The following ABLIM1 variants were observed in gnomAD, a reference collection of about 807,000 sequenced individuals.
The protein encoded by ABLIM1 is actin-binding LIM protein 1.
Under a neutral mutation model 107.0 loss-of-function variants are expected in ABLIM1, and 40 were observed. That is an observed-to-expected ratio of 0.37 (90% CI 0.29 to 0.49). The LOEUF is 0.49. Among genes scored for constraint, ABLIM1 ranks in the 20% least tolerant of loss-of-function variants. The pLI, the probability that ABLIM1 is intolerant of heterozygous loss-of-function variation, is 0.97. For missense variants in ABLIM1, 857 were observed against 1,008.5 expected (o/e 0.85, Z 2.04); for synonymous variants, 357 against 357.3 (o/e 1.00, Z 0.01).
chr10:114,731,189 G>A (rs570598701), intron 1 of ABLIM1, among the ~76,000 whole-genome samples: 1 of 152,218 alleles, frequency 6.6e-6, no homozygotes, highest in South Asian at 2.1e-4. Context: ...CGCCCAGGCT[G>A]GAGTGCAGTG....
chr10:114,749,483 C>CAT (rs1555232341), intron 1 of ABLIM1, among the ~76,000 whole-genome samples: 1 of 150,584 alleles, frequency 6.6e-6, no homozygotes, highest in Non-Finnish European at 1.5e-5. Flanking sequence ...CACACACACA[C>CAT]ACCACAAAAC....
At chr10:114,459,251 A>AAAACAAAC (rs146224817) in intron 12 of ABLIM1, among the ~76,000 whole-genome samples, 1 of 152,220 alleles carries the variant, frequency 6.6e-6, no homozygotes, top group African/African-American at 2.4e-5. Context: ...AAAACAAAAC[A>AAAACAAAC]AAACAAACAA....
chr10:114,605,035 C>T (rs1397030850), intron 1 of ABLIM1, among the ~76,000 whole-genome samples: 1 of 152,202 alleles, frequency 6.6e-6, no homozygotes, highest in Non-Finnish European at 1.5e-5. Context: ...AGATGACTTG[C>T]TTTGCCTTCA....
At chr10:114,583,468 C>CATATATATATATATATACATAT (rs2073824307) in intron 2 of ABLIM1, among the ~76,000 whole-genome samples, 1 of 15,104 alleles carries the variant, frequency 6.6e-5, no homozygotes, top group Non-Finnish European at 1.2e-4. Context: ...CACACACACA[C>CATATATATATATATATACATAT]ATATATATAT....
chr10:114,616,799 A>G (rs1208062605), intron 1 of ABLIM1, among the ~76,000 whole-genome samples: 1 of 152,248 alleles, frequency 6.6e-6, no homozygotes, highest in Non-Finnish European at 1.5e-5. Flanking sequence ...GCAATTACTG[A>G]GCTACGTGCC....
chr10:114,545,386 A>C (rs2067197404), intron 5 of ABLIM1, among the ~76,000 whole-genome samples: 1 of 152,240 alleles, frequency 6.6e-6, no homozygotes, highest in Non-Finnish European at 1.5e-5. Flanking sequence ...TAACTAGCAG[A>C]AAGCCTGGCA....
At chr10:114,449,317 G>A (rs183977272) in intron 14 of ABLIM1, among the ~76,000 whole-genome samples, 1 of 152,098 alleles carries the variant, frequency 6.6e-6, no homozygotes, top group African/African-American at 2.4e-5. Flanking sequence ...TTTTTCTTCT[G>A]GGCTTACATA....
intron 1 of ABLIM1, among the ~76,000 whole-genome samples, chr10:114,698,925 A>T (rs1265030846): frequency 6.6e-6 from 1 of 151,948 alleles, no homozygotes; most frequent in Non-Finnish European, 1.5e-5. Flanking sequence ...TAGAAATAAA[A>T]TGGGATTAGG....
At chr10:114,519,486 G>A (rs777472387) in intron 6 of ABLIM1, among the ~76,000 whole-genome samples, 2 of 152,138 alleles carry the variant, frequency 1.3e-5, no homozygotes, top group African/African-American at 2.4e-5. Flanking sequence ...ATTATCCCTC[G>A]GCTGGGAGAG....
chr10:114,551,080 A>T (rs1462788690), intron 4 of ABLIM1, among the ~76,000 whole-genome samples: 1 of 152,062 alleles, frequency 6.6e-6, no homozygotes, highest in Non-Finnish European at 1.5e-5. Flanking sequence ...TGTCAGGAAG[A>T]CTCGGGCAAG....
Position 114,763,640 on chromosome 10 carries a change from T to C in ABLIM1, c.-213+4421A>G, listed in dbSNP as rs372863298. ...CCCCTGACCTCATGCTGCCTTGGCCTCCCAAAGTGCTGGGATCAGAGGCAT... is the reference window on the plus strand; with the variant it reads ...CCCCTGACCTCATGCTGCCTTGGCCCCCCAAAGTGCTGGGATCAGAGGCAT... On this transcript the variant is annotated intron_variant, in intron 1 of 15. Transcript: ENST00000651092. 1.7e-4 allele frequency among the ~76,000 whole-genome samples: 26 copies of C among 152,274 alleles called. No individual in the cohort carries two copies. The East Asian group carries it at 4.1e-3, about 24-fold the overall frequency.
At chr10:114,470,307 C>T (rs1189219958) in intron 10 of ABLIM1, among the ~76,000 whole-genome samples, 1 of 151,216 alleles carries the variant, frequency 6.6e-6, no homozygotes, top group Non-Finnish European at 1.5e-5. Context: ...CCCGTAGTCT[C>T]AGCTACTTGG....
At chr10:114,666,682 G>A (rs2080039364) in intron 1 of ABLIM1, among the ~76,000 whole-genome samples, 1 of 152,120 alleles carries the variant, frequency 6.6e-6, no homozygotes, top group Non-Finnish European at 1.5e-5. Flanking sequence ...TCTCCCTCAT[G>A]TATATATCAA....
chr10:114,629,716 TCC>T lies in ABLIM1; in HGVS notation c.245-27757_245-27756del, dbSNP rs1055231985. On this transcript the variant is annotated intron_variant, in intron 1 of 22. Transcript: ENST00000533213. The surrounding 1 kb of genome is among the most constrained non-coding windows in gnomAD (Gnocchi z 4.0). ...TCAGCAACCTACTTACCCTTTCTGA[TCC>T]CCAGTTTTCTCATCTCTAGGATGAA... is the stretch of plus-strand genomic sequence containing the variant. Among the ~76,000 whole-genome samples the T allele has an allele frequency of 2.4e-4, 36 of 152,134 alleles. No homozygotes were observed. Among genetic ancestry groups the T allele is most frequent in the African/African-American group, 8.0e-4 (33 of 41,406 alleles).
intron 1 of ABLIM1, among the ~76,000 whole-genome samples, chr10:114,620,770 G>T (rs1387969301): frequency 1.3e-5 from 2 of 152,154 alleles, no homozygotes; most frequent in Non-Finnish European, 2.9e-5. Context: ...AACATCTGGA[G>T]ATTTTACATA....
At position 114,479,711 on chromosome 10, in the gene ABLIM1, C is replaced by T. The variant is rs1215009842; in HGVS notation, c.1042-5755G>A. Among the ~76,000 whole-genome samples the T allele has an allele frequency of 2.6e-5, 4 of 152,226 alleles. 1 individual carries two copies. The highest frequency in any genetic ancestry group is 4.2e-4 in the South Asian group (2 of 4,814). On this transcript the variant is annotated intron_variant, in intron 8 of 22. Coordinates refer to ENST00000533213, the MANE Select transcript of ABLIM1 (RefSeq NM_002313.7). The stretch of plus-strand genomic sequence containing the variant: ...CTCTCAGAGTGTATTTGCTCAACTG[C>T]GGGAGGTTAGAGGTCTCTCCCTTAT...
chr10:114,769,472 A>G, upstream of ABLIM1, among the ~76,000 whole-genome samples: 5 of 141,078 alleles, frequency 3.5e-5, no homozygotes, highest in East Asian at 2.0e-4. Context: ...AGAAAGAAAG[A>G]AAGAAAGAGA....
chr10:114,678,935 T>G (rs2080615750), intron 1 of ABLIM1, among the ~76,000 whole-genome samples: 1 of 152,220 alleles, frequency 6.6e-6, no homozygotes, highest in African/African-American at 2.4e-5. Context: ...GAAGCTATGG[T>G]GGATTATATC....
chr10:114,622,320 C>T (rs1171122247), intron 1 of ABLIM1, among the ~76,000 whole-genome samples: 1 of 149,102 alleles, frequency 6.7e-6, no homozygotes, highest in Non-Finnish European at 1.5e-5. Context: ...GTTCATGGCT[C>T]ATCGCATCCT....
Sources: gnomAD v4.1 joint callset for allele counts (sites outside exome capture counted in the v4.1 genomes callset) on GRCh38, gnomAD v4.1.1 for gene constraint, Gnocchi (gnomAD v3.1) non-coding constraint, MANE v1.5 for transcripts, NCBI Gene and HGNC (gene_info 2026-07-23, HGNC 2026-07-21) for gene names.